The following VAC14 variants were observed in gnomAD, a reference collection of about 807,000 sequenced individuals.
VAC14 encodes protein VAC14 homolog.
VAC14 carries 47 observed loss-of-function variants against 85.3 expected under a neutral mutation model. That is an observed-to-expected ratio of 0.55 (90% CI 0.44 to 0.70). VAC14 has a LOEUF of 0.70. Ranked by LOEUF, VAC14 falls within the 30% of genes least tolerant of loss-of-function variation. VAC14 has a pLI of 0.00. For missense variants in VAC14, 861 were observed against 1,004.3 expected (o/e 0.86, Z 1.93); for synonymous variants, 447 against 430.5 (o/e 1.04, Z -0.47).
At chr16:70,782,483 T>C (rs2033862276) in intron 7 of VAC14, among the ~76,000 whole-genome samples, 1 of 152,198 alleles carries the variant, frequency 6.6e-6, no homozygotes, top group African/African-American at 2.4e-5. Context: ...GCTGCCCCCA[T>C]GGTCCCGGCA....
intron 14 of VAC14, among the ~76,000 whole-genome samples, chr16:70,718,996 C>A (rs991614504): frequency 6.6e-6 from 1 of 152,226 alleles, no homozygotes; most frequent in African/African-American, 2.4e-5. Flanking sequence ...TGGGTTCCTA[C>A]CACATGCCAC....
intron 12 of VAC14, among the ~76,000 whole-genome samples, chr16:70,754,421 A>G (rs114232759): frequency 0.019 from 2,887 of 152,236 alleles, 91 homozygotes; most frequent in African/African-American, 0.064. Context: ...TGGGCCTGGG[A>G]CCTAGCTGTC....
intron 1 of VAC14, among the ~76,000 whole-genome samples, chr16:70,792,665 C>CAA (rs761122784): frequency 2.0e-5 from 3 of 152,204 alleles, no homozygotes; most frequent in Non-Finnish European, 4.4e-5. Context: ...GACTACCTGA[C>CAA]AGGAGAAGCA....
At chr16:70,752,235 T>TA (rs1337784560) in intron 12 of VAC14, among the ~76,000 whole-genome samples, 4 of 152,236 alleles carry the variant, frequency 2.6e-5, no homozygotes, top group African/African-American at 9.6e-5. Flanking sequence ...CGCTGACTGT[T>TA]AGGTTCCACT....
At chr16:70,690,284 C>T (rs1389152161) in intron 18 of VAC14, 10 of 985,350 alleles carry the variant, frequency 1.0e-5, no homozygotes, top group African/African-American at 1.7e-5. Flanking sequence ...ACTGCCTGGG[C>T]TGCTGAGCAC....
chr16:70,735,313 C>A (rs1440353940), intron 13 of VAC14, among the ~76,000 whole-genome samples: 1 of 140,730 alleles, frequency 7.1e-6, no homozygotes, highest in African/African-American at 3.1e-5. Context: ...ACAAGATAGG[C>A]AGGATGTGGA....
intron 16 of VAC14, among the ~76,000 whole-genome samples, chr16:70,696,083 C>A (rs1391900968): frequency 6.6e-6 from 1 of 152,202 alleles, no homozygotes; most frequent in African/African-American, 2.4e-5. Flanking sequence ...ACACCTAGCC[C>A]TCCACTGAGG....
chr16:70,693,486 TTG>T (rs1943346537), intron 17 of VAC14, among the ~76,000 whole-genome samples: 1 of 152,198 alleles, frequency 6.6e-6, no homozygotes, highest in South Asian at 2.1e-4. Flanking sequence ...AAAAACGCCT[TTG>T]TGTGTAGCGA....
At chr16:70,694,605 CAG>C (rs955396038) in intron 17 of VAC14, among the ~76,000 whole-genome samples, 2 of 152,212 alleles carry the variant, frequency 1.3e-5, no homozygotes, top group African/African-American at 2.4e-5. Flanking sequence ...GAGACGCTGC[CAG>C]AGAGTGGGAG....
At chr16:70,789,428 T>G (rs2034221320) in intron 1 of VAC14, among the ~76,000 whole-genome samples, 1 of 152,210 alleles carries the variant, frequency 6.6e-6, no homozygotes, top group South Asian at 2.1e-4. Context: ...TGGCTTCATA[T>G]TCTGTTAATC....
chr16:70,706,050 G>C (rs1033829965), intron 14 of VAC14, among the ~76,000 whole-genome samples: 1 of 152,182 alleles, frequency 6.6e-6, no homozygotes, highest in South Asian at 2.1e-4. Context: ...TCTGGCACCA[G>C]GACCCTCTGG....
At chr16:70,755,339 G>A (rs1037095351) in intron 12 of VAC14, 1 of 219,336 alleles carries the variant, frequency 4.6e-6, no homozygotes, top group South Asian at 4.7e-5. Flanking sequence ...GGGAGAAGGT[G>A]CATTTAGAAC....
At chr16:70,760,287 C>T (rs2143037905) in intron 12 of VAC14, among the ~76,000 whole-genome samples, 1 of 152,240 alleles carries the variant, frequency 6.6e-6, no homozygotes, top group East Asian at 1.9e-4. Flanking sequence ...CTTGAAAAAT[C>T]CTGAGAGGGC....
At chr16:70,718,310 C>T (rs1336826244) in intron 14 of VAC14, among the ~76,000 whole-genome samples, 1 of 151,954 alleles carries the variant, frequency 6.6e-6, no homozygotes, top group African/African-American at 2.4e-5. Context: ...CGGTGGCTCA[C>T]GCCTGTAATC....
Position 70,719,034 on chromosome 16 carries a change from A to C in VAC14, c.1661+12461T>G, listed in dbSNP as rs377243019. On this transcript the variant is annotated intron_variant, in intron 14 of 18. Transcript: ENST00000261776. The stretch of plus-strand genomic sequence containing the variant: ...AAAGGGTGCTGCCCAATACAGTAAG[A>C]TTAGTGGTTCCCAGCTCCAGGCTGC... Among the ~76,000 whole-genome samples the C allele has an allele frequency of 6.6e-5, 10 of 152,298 alleles. No individual in the cohort carries two copies. In the East Asian group the frequency reaches 1.5e-3, roughly 23 times the overall value.
At chr16:70,712,605 G>C (rs1173880435) in intron 14 of VAC14, among the ~76,000 whole-genome samples, 1 of 152,178 alleles carries the variant, frequency 6.6e-6, no homozygotes, top group African/African-American at 2.4e-5. Context: ...TCCGAGTCCA[G>C]AGACCACTGC....
At chr16:70,758,220 C>G (rs2032026117) in intron 12 of VAC14, among the ~76,000 whole-genome samples, 1 of 152,228 alleles carries the variant, frequency 6.6e-6, no homozygotes, top group Non-Finnish European at 1.5e-5. Flanking sequence ...CCCCAACATA[C>G]TTGTAACGAC....
intron 12 of VAC14, chr16:70,747,839 G>C (rs895571694): frequency 6.6e-6 from 1 of 152,254 alleles, no homozygotes; most frequent in African/African-American, 2.4e-5. Context: ...CACTCGGCAA[G>C]ATCCCTGTGC....
In VAC14 at chr16:70,785,754, G is replaced by A. The variant is rs1472367303; in HGVS notation, c.371C>T (p.Ala124Val). Reference sequence around the variant, plus strand: ...GAAGTGGGGCAGCACAGCGCCCCGGGCCACCTTGACGATGTTGTAGAGGGC... The same window carrying A: ...GAAGTGGGGCAGCACAGCGCCCCGGACCACCTTGACGATGTTGTAGAGGGC... ...CEALYNIVKV[A>V]RGAVLPHFNV... Residue 124 changes from alanine (A) to valine (V), a missense_variant, in exon 3 of 19, where the codon GCC becomes GTC. Coordinates refer to ENST00000261776, the MANE Select transcript of VAC14 (RefSeq NM_018052.5). The A allele has an allele frequency of 6.3e-7, 1 of 1,576,636 alleles. No homozygotes were observed. Among genetic ancestry groups the A allele is most frequent in the African/African-American group, 1.3e-5 (1 of 74,392 alleles).
Sources: allele counts gnomAD v4.1 joint callset (sites outside exome capture counted in the v4.1 genomes callset), GRCh38; gene constraint gnomAD v4.1.1; transcripts MANE v1.5; gene names NCBI Gene and HGNC (gene_info 2026-07-23, HGNC 2026-07-21).